SLC4A4: variants seen among roughly 807,000 people sequenced by gnomAD.
SLC4A4 encodes the protein solute carrier family 4 member 4.
A neutral mutation model predicts 111.5 loss-of-function variants in SLC4A4; 27 were observed. That is an observed-to-expected ratio of 0.24 (90% CI 0.18 to 0.33). The LOEUF (loss-of-function observed/expected upper bound fraction) is 0.33, where lower values mean the gene tolerates loss of function less well. Ranked by LOEUF, SLC4A4 falls within the 10% of genes least tolerant of loss-of-function variation. The pLI is 1.00. For synonymous variants in SLC4A4, 443 were observed against 463.4 expected (o/e 0.96, Z 0.57); for missense variants, 909 against 1,315.5 (o/e 0.69, Z 4.78).
At chr4:71,079,751 A>C (rs2148933918) in intron 1 of SLC4A4, among the ~76,000 whole-genome samples, 1 of 147,900 alleles carries the variant, frequency 6.8e-6, no homozygotes, top group East Asian at 2.0e-4. Context: ...ATTCTAGGCT[A>C]GGTGATAGAA....
chr4:71,082,812 A>G (rs1002084246), intron 1 of SLC4A4, among the ~76,000 whole-genome samples: 1 of 150,982 alleles, frequency 6.6e-6, no homozygotes, highest in Non-Finnish European at 1.5e-5. Flanking sequence ...AGAAATAATC[A>G]TTCATTCCTG....
chr4:71,368,704 G>A (rs1731567433), intron 6 of SLC4A4, among the ~76,000 whole-genome samples: 1 of 152,178 alleles, frequency 6.6e-6, no homozygotes, highest in African/African-American at 2.4e-5. Flanking sequence ...TACATCCTGA[G>A]ATTAGTGTTT....
At chr4:71,084,060 A>G (rs573714866) in intron 1 of SLC4A4, among the ~76,000 whole-genome samples, 3 of 151,550 alleles carry the variant, frequency 2.0e-5, no homozygotes, top group Non-Finnish European at 4.4e-5. Context: ...TCAAAAAGGG[A>G]TGAGGAGGGA....
At chr4:71,261,418 CT>C (rs1357663735) in intron 3 of SLC4A4, among the ~76,000 whole-genome samples, 1 of 152,142 alleles carries the variant, frequency 6.6e-6, no homozygotes, top group Non-Finnish European at 1.5e-5. Context: ...TGAAATTAAT[CT>C]GGTTAAGAAG....
intron 4 of SLC4A4, among the ~76,000 whole-genome samples, chr4:71,349,544 G>T (rs968718197): frequency 6.6e-6 from 1 of 152,156 alleles, no homozygotes; most frequent in African/African-American, 2.4e-5. Context: ...CTATTTTTAT[G>T]CACTGTAGGC....
At position 71,274,414 on chromosome 4, in the gene SLC4A4, G is replaced by C. The variant is rs1227545338; in HGVS notation, c.253+19015G>C. Among the ~76,000 whole-genome samples, 4 of 152,188 alleles carry C rather than the reference G, an allele frequency of 2.6e-5. No homozygotes were observed. In the South Asian group the frequency reaches 6.2e-4, roughly 24 times the overall value. ...GTGGCCAACTGTATGTGCCATATGA[G>C]ATTTCCCATTAAAAATGGTATAAAC... is the stretch of plus-strand genomic sequence containing the variant. On this transcript the variant is annotated intron_variant, in intron 3 of 25. Coordinates refer to ENST00000264485, the MANE Select transcript of SLC4A4 (RefSeq NM_001098484.3).
Position 71,167,466 on chromosome 4 carries a change from G to A in SLC4A4, c.-1-69110G>A, listed in dbSNP as rs60891245. Reference sequence around the variant, plus strand: ...GAATTAGACTCTGCCTTTTGAAAGGGGAGTGGCGAGGTCACATCAGAGAAG... The same window carrying A: ...GAATTAGACTCTGCCTTTTGAAAGGAGAGTGGCGAGGTCACATCAGAGAAG... On this transcript the variant is annotated intron_variant, in intron 2 of 26. Coordinates refer to the SLC4A4 transcript ENST00000649996. 5.3e-3 allele frequency among the ~76,000 whole-genome samples: 808 copies of A among 152,292 alleles called. 9 individuals carry two copies. The highest frequency in any genetic ancestry group is 0.019 in the African/African-American group (772 of 41,556).
chr4:71,470,922 A>G (rs1377729525), intron 13 of SLC4A4, among the ~76,000 whole-genome samples: 2 of 151,954 alleles, frequency 1.3e-5, no homozygotes, highest in Non-Finnish European at 2.9e-5. Context: ...CCCACATACT[A>G]TGGAGGGTGA....
intron 2 of SLC4A4, among the ~76,000 whole-genome samples, chr4:71,116,461 G>C (rs984754633): frequency 6.6e-6 from 1 of 152,142 alleles, no homozygotes; most frequent in African/African-American, 2.4e-5. Flanking sequence ...GCCACACAAT[G>C]CTTAAATTTT....
intron 3 of SLC4A4, among the ~76,000 whole-genome samples, chr4:71,280,699 A>G (rs1438336766): frequency 6.6e-6 from 1 of 151,974 alleles, no homozygotes; most frequent in East Asian, 1.9e-4. Context: ...TTTTTCTTTT[A>G]TGGATCATAC....
chr4:71,420,127 A>T (rs1018609970), intron 7 of SLC4A4, among the ~76,000 whole-genome samples: 1 of 152,234 alleles, frequency 6.6e-6, no homozygotes, highest in Non-Finnish European at 1.5e-5. Context: ...TAACCAATAC[A>T]GAGAAGTACT....
At chr4:71,112,134 C>T (rs1743106084) in intron 2 of SLC4A4, among the ~76,000 whole-genome samples, 1 of 152,216 alleles carries the variant, frequency 6.6e-6, no homozygotes, top group Admixed American at 6.5e-5. Context: ...ATCTTCCTTC[C>T]ACTCTGGCTG....
intron 7 of SLC4A4, among the ~76,000 whole-genome samples, chr4:71,427,847 C>G (rs954094155): frequency 6.6e-6 from 1 of 152,074 alleles, no homozygotes; most frequent in African/African-American, 2.4e-5. Context: ...CTCAGAGATA[C>G]CCGCCATGAT....
intron 12 of SLC4A4, among the ~76,000 whole-genome samples, chr4:71,464,290 A>T (rs1350022349): frequency 1.3e-5 from 2 of 152,206 alleles, no homozygotes; most frequent in African/African-American, 4.8e-5. Flanking sequence ...ATTTGTTCAT[A>T]TCACTTAACT....
intron 1 of SLC4A4, among the ~76,000 whole-genome samples, chr4:71,205,841 GTACAT>G (rs935926525): frequency 2.0e-5 from 3 of 152,190 alleles, no homozygotes; most frequent in African/African-American, 7.2e-5. Context: ...TTTAACTACA[GTACAT>G]TAAATTTGGA....
At chr4:71,319,934 G>A (rs1464881392) in intron 3 of SLC4A4, among the ~76,000 whole-genome samples, 1 of 151,940 alleles carries the variant, frequency 6.6e-6, no homozygotes. Flanking sequence ...ATCTCATGAA[G>A]TGAGTTCCCT....
chr4:71,567,176 C>G (rs1395891951), intron 25 of SLC4A4, 93 bp downstream of exon 25: 4 of 964,140 alleles, frequency 4.1e-6, no homozygotes, highest in Admixed American at 5.0e-5. Context: ...ACTTCTTGTT[C>G]TCCTTCGTCT....
chr4:71,432,125 G>A (rs1723692692), intron 7 of SLC4A4, among the ~76,000 whole-genome samples: 2 of 152,120 alleles, frequency 1.3e-5, no homozygotes, highest in Non-Finnish European at 2.9e-5. Flanking sequence ...GAGCTCTAAA[G>A]GCTGTTTATA....
Position 71,267,791 on chromosome 4 carries a change from CAAAAAAAAAAAAA to C in SLC4A4, c.253+12407_253+12419del, listed in dbSNP as rs71212002. ...CCTGGATGACAGAGTGAGAGTCTGC[CAAAAAAAAAAAAA>C]AAAAAAAAAAAAAAGAAAACGAAAC... On this transcript the variant is annotated intron_variant, in intron 3 of 25. Transcript: ENST00000264485. 6.4e-5 allele frequency among the ~76,000 whole-genome samples: 4 copies of C among 62,360 alleles called. No homozygotes were observed. The South Asian group carries it at 4.0e-3, about 62-fold the overall frequency. 40.9% of individuals were successfully genotyped at this position (62,360 alleles called of 152,430 possible). A position where few individuals can be genotyped will look rare whatever the true frequency, so the allele number is the denominator to read the frequency against.
Sources: allele counts gnomAD v4.1 joint callset (sites outside exome capture counted in the v4.1 genomes callset), GRCh38; gene constraint gnomAD v4.1.1; transcripts MANE v1.5; gene names NCBI Gene and HGNC (gene_info 2026-07-23, HGNC 2026-07-21).